TMEM71: variants seen among roughly 807,000 people sequenced by gnomAD.
TMEM71 encodes transmembrane protein 71.
A neutral mutation model predicts 38.0 loss-of-function variants in TMEM71; 44 were observed. That is an observed-to-expected ratio of 1.16 (90% CI 0.91 to 1.49). The LOEUF (loss-of-function observed/expected upper bound fraction) is 1.49, where lower values mean the gene tolerates loss of function less well. TMEM71 is among the 40% of genes most tolerant of loss of function. The pLI is 0.00. For synonymous variants in TMEM71, 133 were observed against 122.5 expected (o/e 1.09, Z -0.56); for missense variants, 367 against 348.6 (o/e 1.05, Z -0.42).
Position 132,710,877 on chromosome 8 carries a change from T to C in TMEM71, c.*90A>G, listed in dbSNP as rs767211395. On this transcript the variant is annotated 3_prime_UTR_variant, in exon 10 of 10. Coordinates refer to ENST00000677595, the MANE Select transcript of TMEM71 (RefSeq NM_001382403.1). Reference sequence around the variant, plus strand: ...CCATTACTCGCTTACTCCCTTCCAATAAAACACTTGATTCCAAGTAGACTG... The same window carrying C: ...CCATTACTCGCTTACTCCCTTCCAACAAAACACTTGATTCCAAGTAGACTG... 7 of 1,272,692 alleles carry C rather than the reference T, an allele frequency of 5.5e-6. No homozygotes were observed. The highest frequency in any genetic ancestry group is 8.0e-6 in the Non-Finnish European group (7 of 874,896). The allele number at this position is 1,272,692 out of a possible 1,614,324, so 78.8% of individuals were successfully genotyped here. A position where few individuals can be genotyped will look rare whatever the true frequency, so the allele number is the denominator to read the frequency against.
chr8:132,764,321 A>C (rs971406583), upstream of TMEM71, among the ~76,000 whole-genome samples: 2 of 143,276 alleles, frequency 1.4e-5, no homozygotes, highest in Non-Finnish European at 3.0e-5. Context: ...TGTGTATTGC[A>C]CTTGTTGCCT....
chr8:132,743,490 C>T (rs1828163882), intron 5 of TMEM71, among the ~76,000 whole-genome samples: 1 of 152,186 alleles, frequency 6.6e-6, no homozygotes, highest in African/African-American at 2.4e-5. Flanking sequence ...TTTCATTACA[C>T]AGCACTCTCT....
intron 3 of TMEM71, among the ~76,000 whole-genome samples, chr8:132,755,389 A>G (rs1828946964): frequency 6.6e-6 from 1 of 152,218 alleles, no homozygotes; most frequent in Non-Finnish European, 1.5e-5. Context: ...TTCTGCTCTA[A>G]TAAATTTAGT....
chr8:132,723,789 C>T (rs968398208), intron 6 of TMEM71, among the ~76,000 whole-genome samples: 1 of 152,136 alleles, frequency 6.6e-6, no homozygotes, highest in African/African-American at 2.4e-5. Context: ...TTCCTCCTAG[C>T]ATTTGATTCC....
chr8:132,740,259 G>T (rs1366422690), intron 5 of TMEM71, among the ~76,000 whole-genome samples: 1 of 152,054 alleles, frequency 6.6e-6, no homozygotes, highest in Non-Finnish European at 1.5e-5. Context: ...CATTTCACTT[G>T]CCTGGATTGT....
Position 132,727,805 on chromosome 8 carries a change from A to C in TMEM71, c.669T>G (p.Asp223Glu). 6.2e-7 allele frequency: 1 copy of C among 1,608,446 alleles called. No homozygotes were observed. The highest frequency in any genetic ancestry group is 8.5e-7 in the Non-Finnish European group (1 of 1,177,452). ...ASERFQENSS[D>E]HSETRLLQEV... ...TAAAACACCTGAACTCACCTGAATG[A>C]TCCGAACTATTCTCTTGGAAACGTT... Residue 223 changes from aspartate (D) to glutamate (E), a missense_variant, in exon 6 of 10, where the codon GAT (aspartate) becomes GAG (glutamate). Physicochemically the swap from Asp to Glu is conservative, Grantham distance 45. Coordinates refer to ENST00000677595, the MANE Select transcript of TMEM71 (RefSeq NM_001382403.1).
chr8:132,754,271 C>G (rs2739027), intron 3 of TMEM71, among the ~76,000 whole-genome samples: 98,823 of 151,410 alleles, frequency 0.65, 33,831 homozygotes, highest in South Asian at 0.78. Flanking sequence ...AATAGACTAT[C>G]AAGTCTATGG....
At chr8:132,774,156 C>T in the TMEM71 span, among the ~76,000 whole-genome samples, 1 of 152,154 alleles carries the variant, frequency 6.6e-6, no homozygotes, top group Non-Finnish European at 1.5e-5. Flanking sequence ...ATACATAATT[C>T]TAAGGAGGGT....
At chr8:132,741,601 G>A (rs937523764) in intron 5 of TMEM71, among the ~76,000 whole-genome samples, 1 of 151,300 alleles carries the variant, frequency 6.6e-6, no homozygotes, top group Non-Finnish European at 1.5e-5. Flanking sequence ...GGCAGCCGAG[G>A]CAGAGAGACA....
intron 2 of TMEM71, chr8:132,758,627 T>A (rs1829163326): frequency 1.9e-6 from 1 of 521,196 alleles, no homozygotes; most frequent in African/African-American, 1.9e-5. Context: ...ACGGTGATTT[T>A]TTTTTTTCTA....
At chr8:132,712,267 A>T (rs1826275798) in intron 9 of TMEM71, among the ~76,000 whole-genome samples, 1 of 152,184 alleles carries the variant, frequency 6.6e-6, no homozygotes, top group Non-Finnish European at 1.5e-5. Flanking sequence ...AAGTATGTAC[A>T]CAAATAATCA....
At chr8:132,768,010 A>G in the TMEM71 span, among the ~76,000 whole-genome samples, 1 of 152,212 alleles carries the variant, frequency 6.6e-6, no homozygotes, top group Admixed American at 6.5e-5. Flanking sequence ...GATGGGGATT[A>G]CATATACTAG....
intron 2 of TMEM71, 37 bp downstream of exon 2, chr8:132,758,803 A>C: frequency 6.3e-7 from 1 of 1,594,906 alleles, no homozygotes; most frequent in Non-Finnish European, 8.6e-7. Flanking sequence ...CTAATCGTTC[A>C]AAAGATAATT....
chr8:132,711,026 T>A, intron 9 of TMEM71, 44 bp from the exon 10 acceptor site: 1 of 1,595,740 alleles, frequency 6.3e-7, no homozygotes, highest in East Asian at 2.2e-5. Flanking sequence ...TTCATCCCCA[T>A]GCACAGGAAA....
the TMEM71 span, among the ~76,000 whole-genome samples, chr8:132,770,482 G>A: frequency 6.6e-6 from 1 of 152,092 alleles, no homozygotes; most frequent in African/African-American, 2.4e-5. Flanking sequence ...TTCAGATTTA[G>A]GCACCTAACT....
intron 9 of TMEM71, among the ~76,000 whole-genome samples, chr8:132,712,038 G>C (rs559941434): frequency 1.3e-5 from 2 of 152,068 alleles, no homozygotes; most frequent in South Asian, 4.2e-4. Flanking sequence ...CAGAGCTCTT[G>C]GCTTTCAAGG....
At chr8:132,766,104 T>C in the TMEM71 span, among the ~76,000 whole-genome samples, 2 of 152,156 alleles carry the variant, frequency 1.3e-5, no homozygotes, top group East Asian at 3.9e-4. Flanking sequence ...TATCTTGACC[T>C]GTGTTAACTG....
upstream of TMEM71, among the ~76,000 whole-genome samples, chr8:132,765,005 A>G (rs1000128098): frequency 6.6e-6 from 1 of 152,248 alleles, no homozygotes; most frequent in Admixed American, 6.5e-5. Context: ...AAGCCTGGAC[A>G]GGCTACTAAT....
intron 5 of TMEM71, among the ~76,000 whole-genome samples, chr8:132,736,100 T>C (rs1827730033): frequency 1.3e-5 from 2 of 152,194 alleles, no homozygotes; most frequent in Admixed American, 6.5e-5. Context: ...AACTGAGCCT[T>C]GGTCTTCTTG....
Sources: gnomAD v4.1 joint callset for allele counts (sites outside exome capture counted in the v4.1 genomes callset) on GRCh38, gnomAD v4.1.1 for gene constraint, MANE v1.5 for transcripts, NCBI Gene and HGNC (gene_info 2026-07-23, HGNC 2026-07-21) for gene names.